DNER: variants seen among roughly 807,000 people sequenced by gnomAD.
The protein encoded by DNER is delta/notch like EGF repeat containing, also known as delta and Notch-like epidermal growth factor-related receptor.
DNER carries 33 observed loss-of-function variants against 78.2 expected under a neutral mutation model. The ratio of observed to expected loss-of-function variants is 0.42; its 90% confidence interval spans 0.32 to 0.56. The LOEUF (loss-of-function observed/expected upper bound fraction) is 0.56, where lower values mean the gene tolerates loss of function less well. DNER is among the 20% of genes least tolerant of loss of function. The probability of loss-of-function intolerance (pLI) is 0.11; values close to 1 mark genes in which losing one functional copy is unlikely to be tolerated. For missense variants in DNER, 918 were observed against 975.3 expected (o/e 0.94, Z 0.78); for synonymous variants, 417 against 384.8 (o/e 1.08, Z -0.98).
At chr2:229,707,170 C>T (rs918699396) in intron 1 of DNER, among the ~76,000 whole-genome samples, 4 of 147,616 alleles carry the variant, frequency 2.7e-5, no homozygotes, top group Non-Finnish European at 3.0e-5. Context: ...TGTGCCACCA[C>T]GGCTGGCTAA....
chr2:229,379,662 G>T (rs752073447), intron 11 of DNER, among the ~76,000 whole-genome samples: 4 of 152,086 alleles, frequency 2.6e-5, no homozygotes, highest in Admixed American at 6.6e-5. Context: ...CACAAAGTGT[G>T]TCAATTTGTC....
intron 1 of DNER, among the ~76,000 whole-genome samples, chr2:229,693,948 G>A (rs1559211692): frequency 6.6e-6 from 1 of 152,222 alleles, no homozygotes; most frequent in East Asian, 1.9e-4. Flanking sequence ...CTTCACAGCA[G>A]CCCCTCCTAT....
At chr2:229,459,519 C>G (rs1430508782) in intron 7 of DNER, among the ~76,000 whole-genome samples, 6 of 152,092 alleles carry the variant, frequency 3.9e-5, no homozygotes, top group Non-Finnish European at 8.8e-5. Context: ...ATCACAACCA[C>G]TGGCTCAGGT....
intron 4 of DNER, among the ~76,000 whole-genome samples, chr2:229,569,109 A>G (rs1697168382): frequency 6.6e-6 from 1 of 152,188 alleles, no homozygotes; most frequent in South Asian, 2.1e-4. Flanking sequence ...ATGGATGCGT[A>G]TCTATGTGTG....
intron 12 of DNER, among the ~76,000 whole-genome samples, chr2:229,362,599 C>A (rs1403185838): frequency 2.6e-5 from 4 of 152,212 alleles, no homozygotes; most frequent in Non-Finnish European, 5.9e-5. Context: ...GCCCAAATTT[C>A]TTTTGCCTAT....
chr2:229,559,563 A>T (rs1396402457), intron 4 of DNER, among the ~76,000 whole-genome samples: 1 of 152,120 alleles, frequency 6.6e-6, no homozygotes, highest in Non-Finnish European at 1.5e-5. Context: ...TCTACCAGAA[A>T]AAAGGAAGTC....
At chr2:229,475,608 C>T (rs62191992) in intron 7 of DNER, among the ~76,000 whole-genome samples, 2,788 of 152,260 alleles carry the variant, frequency 0.018, 47 homozygotes, top group Non-Finnish European at 0.024. Flanking sequence ...GCCTGGTATA[C>T]GTAAAGTGCT....
intron 4 of DNER, among the ~76,000 whole-genome samples, chr2:229,577,175 AG>A (rs2154214195): frequency 6.6e-6 from 1 of 152,348 alleles, no homozygotes; most frequent in Admixed American, 6.5e-5. Flanking sequence ...CCAAGGGGCC[AG>A]GGACCCCAGG....
chr2:229,479,723 A>C (rs1396991198), intron 6 of DNER, among the ~76,000 whole-genome samples: 4 of 116,938 alleles, frequency 3.4e-5, no homozygotes, highest in African/African-American at 1.1e-4. Flanking sequence ...AAAAAAAAAA[A>C]AAAAAAAACA....
intron 1 of DNER, among the ~76,000 whole-genome samples, chr2:229,651,595 C>T (rs1430343162): frequency 1.3e-5 from 2 of 152,232 alleles, no homozygotes; most frequent in East Asian, 3.8e-4. Context: ...AGCTGAGTCC[C>T]TCCCTGGGCT....
intron 5 of DNER, among the ~76,000 whole-genome samples, chr2:229,534,133 C>CCA: frequency 6.6e-6 from 1 of 152,012 alleles, no homozygotes; most frequent in African/African-American, 2.4e-5. Flanking sequence ...ATGAAACAGG[C>CCA]CAAGAGATTG....
chr2:229,565,867 T>C (rs1323195706), intron 4 of DNER, among the ~76,000 whole-genome samples: 1 of 152,208 alleles, frequency 6.6e-6, no homozygotes, highest in Non-Finnish European at 1.5e-5. Flanking sequence ...TCAATGTCTA[T>C]TTGATCACCT....
intron 6 of DNER, among the ~76,000 whole-genome samples, chr2:229,509,825 T>C (rs577700153): frequency 6.6e-6 from 1 of 151,654 alleles, no homozygotes; most frequent in South Asian, 2.1e-4. Flanking sequence ...CAAAATAAAA[T>C]AAAATATAAA....
chr2:229,481,085 A>C (rs1244205498), intron 6 of DNER, among the ~76,000 whole-genome samples: 1 of 152,212 alleles, frequency 6.6e-6, no homozygotes, highest in Non-Finnish European at 1.5e-5. Context: ...CCAGCTATGG[A>C]TCTGCAAAGC....
At chr2:229,456,387 A>G (rs1694573924) in intron 7 of DNER, among the ~76,000 whole-genome samples, 2 of 151,566 alleles carry the variant, frequency 1.3e-5, no homozygotes, top group East Asian at 1.9e-4. Context: ...ACGTTTCCAC[A>G]TCAGATTTGA....
intron 4 of DNER, among the ~76,000 whole-genome samples, chr2:229,562,487 T>C (rs543528967): frequency 6.6e-6 from 1 of 152,310 alleles, no homozygotes; most frequent in East Asian, 1.9e-4. Flanking sequence ...TTTTAACACT[T>C]TATGTATTCT....
At chr2:229,448,647 G>A (rs551831001) in intron 7 of DNER, among the ~76,000 whole-genome samples, 2 of 152,170 alleles carry the variant, frequency 1.3e-5, no homozygotes, top group East Asian at 3.9e-4. Flanking sequence ...AGTATTTCTT[G>A]TTAAAAAATT....
intron 6 of DNER, among the ~76,000 whole-genome samples, chr2:229,479,476 G>A (rs927565518): frequency 1.3e-5 from 2 of 152,144 alleles, no homozygotes; most frequent in African/African-American, 4.8e-5. Context: ...ACTTTGGGAG[G>A]TTGAAGCAGG....
At chr2:229,421,218 T>C (rs2080801) in intron 8 of DNER, among the ~76,000 whole-genome samples, 85,653 of 151,870 alleles carry the variant, frequency 0.56, 27,140 homozygotes, top group Non-Finnish European at 0.73. Flanking sequence ...ATTTTTAAAA[T>C]AGTCAAACTC....
Sources: gnomAD v4.1 joint callset for allele counts (sites outside exome capture counted in the v4.1 genomes callset) on GRCh38, gnomAD v4.1.1 for gene constraint, MANE v1.5 for transcripts, NCBI Gene and HGNC (gene_info 2026-07-23, HGNC 2026-07-21) for gene names.